Variants in KIAA1328 observed in about 807,000 individuals in gnomAD.
KIAA1328 encodes the protein KIAA1328.
A neutral mutation model predicts 68.1 loss-of-function variants in KIAA1328; 52 were observed. The ratio of observed to expected loss-of-function variants is 0.76; its 90% confidence interval spans 0.61 to 0.96. The LOEUF is 0.96. Ranked by LOEUF, KIAA1328 falls within the 40% of genes least tolerant of loss-of-function variation. The pLI, the probability that KIAA1328 is intolerant of heterozygous loss-of-function variation, is 0.00. For synonymous variants in KIAA1328, 232 were observed against 239.4 expected, an observed-to-expected ratio of 0.97 and a Z score of 0.28; for missense variants, 641 against 677.6, an observed-to-expected ratio of 0.95 and a Z score of 0.60.
intron 9 of KIAA1328, chr18:37,193,789 C>G: frequency 1.6e-6 from 1 of 611,612 alleles, no homozygotes; most frequent in Non-Finnish European, 2.9e-6. Context: ...AGAACAAATT[C>G]ATAGGGTATA....
At chr18:37,214,651 A>G (rs1322095760) in intron 9 of KIAA1328, among the ~76,000 whole-genome samples, 1 of 152,172 alleles carries the variant, frequency 6.6e-6, no homozygotes, top group African/African-American at 2.4e-5. Flanking sequence ...TTGGTTCTAT[A>G]TGAACTTTAA....
chr18:37,062,446 T>A (rs965945585), intron 6 of KIAA1328, among the ~76,000 whole-genome samples: 2 of 145,502 alleles, frequency 1.4e-5, no homozygotes, highest in Admixed American at 6.8e-5. Flanking sequence ...TTTTGTTTTG[T>A]TTTTTGTTTT....
intron 6 of KIAA1328, among the ~76,000 whole-genome samples, chr18:37,058,745 T>C (rs1330836630): frequency 1.3e-5 from 2 of 151,750 alleles, no homozygotes; most frequent in Non-Finnish European, 2.9e-5. Flanking sequence ...AATAAATAAA[T>C]AAACAAGTAA....
intron 4 of KIAA1328, among the ~76,000 whole-genome samples, chr18:36,867,379 C>T (rs1042931964): frequency 6.6e-6 from 1 of 152,302 alleles, no homozygotes; most frequent in Middle Eastern, 3.4e-3. Context: ...TCCCCAGAAG[C>T]AGATGCCAGC....
At chr18:36,971,974 T>A (rs1478797394) in intron 6 of KIAA1328, among the ~76,000 whole-genome samples, 3 of 152,142 alleles carry the variant, frequency 2.0e-5, no homozygotes, top group Non-Finnish European at 4.4e-5. Flanking sequence ...TTTACCTATA[T>A]AACAAACCTG....
chr18:37,068,552 AT>A (rs1174418179), intron 7 of KIAA1328, among the ~76,000 whole-genome samples: 1 of 152,144 alleles, frequency 6.6e-6, no homozygotes, highest in East Asian at 1.9e-4. Flanking sequence ...CGCAGTCTTA[AT>A]TTGCATTTCA....
intron 6 of KIAA1328, among the ~76,000 whole-genome samples, chr18:37,046,507 A>G (rs2055475820): frequency 6.6e-6 from 1 of 152,138 alleles, no homozygotes; most frequent in Admixed American, 6.5e-5. Flanking sequence ...CTTCTTTTAC[A>G]TTTTAAATTA....
chr18:36,884,147 T>C (rs2048417323), intron 4 of KIAA1328, among the ~76,000 whole-genome samples: 1 of 151,930 alleles, frequency 6.6e-6, no homozygotes, highest in Admixed American at 6.6e-5. Flanking sequence ...CAAGTGGGCT[T>C]GAGAGTAATA....
At chr18:37,041,883 T>G (rs2055266251) in intron 6 of KIAA1328, among the ~76,000 whole-genome samples, 1 of 152,020 alleles carries the variant, frequency 6.6e-6, no homozygotes, top group African/African-American at 2.4e-5. Context: ...CAGATAATAT[T>G]TTTATGTTTT....
intron 9 of KIAA1328, among the ~76,000 whole-genome samples, chr18:37,174,214 A>G (rs999710521): frequency 1.3e-5 from 2 of 152,172 alleles, no homozygotes; most frequent in African/African-American, 4.8e-5. Context: ...ACAGTCTAAG[A>G]TCACATAGCT....
intron 6 of KIAA1328, among the ~76,000 whole-genome samples, chr18:37,056,658 CT>C (rs2055920399): frequency 6.6e-6 from 1 of 151,986 alleles, no homozygotes; most frequent in Non-Finnish European, 1.5e-5. Flanking sequence ...AAATCCTTTT[CT>C]CTTTTTTTTG....
At chr18:37,037,430 A>T (rs2055070889) in intron 6 of KIAA1328, among the ~76,000 whole-genome samples, 1 of 152,184 alleles carries the variant, frequency 6.6e-6, no homozygotes, top group African/African-American at 2.4e-5. Context: ...ACCACTTACC[A>T]TTGACCTCAT....
intron 6 of KIAA1328, among the ~76,000 whole-genome samples, chr18:37,057,091 A>C (rs971900797): frequency 3.9e-5 from 6 of 152,098 alleles, no homozygotes; most frequent in African/African-American, 1.4e-4. Flanking sequence ...TCATTTGTTC[A>C]TTCATGTAGC....
chr18:37,040,721 C>G (rs551979489), intron 6 of KIAA1328, among the ~76,000 whole-genome samples: 19 of 151,644 alleles, frequency 1.3e-4, no homozygotes, highest in African/African-American at 4.6e-4. Flanking sequence ...GCTGCTTTGG[C>G]TGCACTAAAT....
chr18:37,028,064 C>A (rs2054664125), intron 6 of KIAA1328, among the ~76,000 whole-genome samples: 1 of 152,182 alleles, frequency 6.6e-6, no homozygotes, highest in South Asian at 2.1e-4. Flanking sequence ...ACAGACACTT[C>A]TCAAAAGAAG....
At chr18:37,120,407 G>A (rs2058238642) in intron 7 of KIAA1328, among the ~76,000 whole-genome samples, 1 of 152,048 alleles carries the variant, frequency 6.6e-6, no homozygotes, top group Non-Finnish European at 1.5e-5. Flanking sequence ...TACTTTGGCT[G>A]AGATGGAATG....
chr18:37,136,270 C>T (rs2058642396), intron 7 of KIAA1328, among the ~76,000 whole-genome samples: 4 of 152,054 alleles, frequency 2.6e-5, no homozygotes, highest in Admixed American at 2.0e-4. Flanking sequence ...AACATGAGGT[C>T]CTATAAATTT....
chr18:36,866,606 T>C (rs1335182063), intron 4 of KIAA1328, among the ~76,000 whole-genome samples: 2 of 152,182 alleles, frequency 1.3e-5, no homozygotes, highest in African/African-American at 4.8e-5. Context: ...TCATATAAAA[T>C]AAGACAAACC....
Position 36,916,069 on chromosome 18 carries a change from G to T in KIAA1328, c.448+30397G>T, listed in dbSNP as rs181425880. On this transcript the variant is annotated intron_variant, in intron 5 of 9. Transcript: ENST00000280020. Reference sequence around the variant, plus strand: ...AATGTATGTTTCTAAATGTAGTTTTGTTTTCTTTGTGAGGTTCACTGAGCT... The same window carrying T: ...AATGTATGTTTCTAAATGTAGTTTTTTTTTCTTTGTGAGGTTCACTGAGCT... Among the ~76,000 whole-genome samples the T allele has an allele frequency of 5.9e-5, 9 of 152,080 alleles. No homozygotes were observed. In the East Asian group the frequency reaches 9.6e-4, roughly 16 times the overall value.
Sources: gnomAD v4.1 joint callset for allele counts (sites outside exome capture counted in the v4.1 genomes callset) on GRCh38, gnomAD v4.1.1 for gene constraint, MANE v1.5 for transcripts, NCBI Gene and HGNC (gene_info 2026-07-23, HGNC 2026-07-21) for gene names.